The following MRTFB variants were observed in gnomAD, a reference collection of about 807,000 sequenced individuals.
The protein encoded by MRTFB is myocardin-related transcription factor B.
MRTFB carries 29 observed loss-of-function variants against 104.2 expected under a neutral mutation model. The ratio of observed to expected loss-of-function variants is 0.28; its 90% confidence interval spans 0.21 to 0.38. The LOEUF is 0.38. Among genes scored for constraint, MRTFB ranks in the 10% least tolerant of loss-of-function variants. MRTFB has a pLI of 1.00. For synonymous variants in MRTFB, 535 were observed against 519.5 expected (o/e 1.03, Z -0.41); for missense variants, 1,270 against 1,341.6 (o/e 0.95, Z 0.83).
chr16:14,253,862 A>C (rs1380738164), intron 15 of MRTFB, among the ~76,000 whole-genome samples: 1 of 152,240 alleles, frequency 6.6e-6, no homozygotes, highest in Non-Finnish European at 1.5e-5. Flanking sequence ...GACGGGTTCA[A>C]ATATTTGCAA....
chr16:14,041,154 G>T, the MRTFB span, among the ~76,000 whole-genome samples: 1 of 152,118 alleles, frequency 6.6e-6, no homozygotes, highest in African/African-American at 2.4e-5. Context: ...AGGAGTGGGG[G>T]GCGGGGAGAG....
chr16:14,234,185 ACTC>A lies in MRTFB; in HGVS notation c.738_740del (p.Pro247del), dbSNP rs763260394. ...CCCAACAGTTCCTGAATTCTTGAAAACTCCTCCAACTGCAGATCAGCCTCCCCC... is the reference window on the plus strand; with the variant it reads ...CCCAACAGTTCCTGAATTCTTGAAAACTCCAACTGCAGATCAGCCTCCCCC... On this transcript the variant is annotated inframe_deletion, in exon 9 of 17. Transcript: ENST00000571589. 1.9e-6 allele frequency: 3 copies of A among 1,610,014 alleles called. No individual in the cohort carries two copies. Among genetic ancestry groups the A allele is most frequent in the African/African-American group, 1.4e-5 (1 of 74,014 alleles).
At chr16:14,000,700 GAC>G in the MRTFB span, among the ~76,000 whole-genome samples, 2 of 152,168 alleles carry the variant, frequency 1.3e-5, no homozygotes, top group African/African-American at 4.8e-5. Flanking sequence ...CATCACCTGG[GAC>G]ACAAGTATCA....
In MRTFB at chr16:14,074,706, A is replaced by G. The variant is rs571409689; in HGVS notation, c.-129+3341A>G. On this transcript the variant is annotated intron_variant, in intron 1 of 16. Coordinates refer to ENST00000571589, the MANE Select transcript of MRTFB (RefSeq NM_001308142.2). ...CTACATGAATAGGGAATATGAAACA[A>G]TGATTAATGATTAACACCAAAAACT... Among the ~76,000 whole-genome samples the G allele has an allele frequency of 2.6e-5, 4 of 152,334 alleles. No homozygotes were observed. In the East Asian group the frequency reaches 5.8e-4, roughly 22 times the overall value.
chr16:14,143,587 C>G (rs746514462), intron 3 of MRTFB: 1 of 149,902 alleles, frequency 6.7e-6, no homozygotes, highest in Non-Finnish European at 1.5e-5. Context: ...TGTATACATG[C>G]GCCATGTTGG....
At chr16:14,044,867 C>A in the MRTFB span, among the ~76,000 whole-genome samples, 1 of 152,098 alleles carries the variant, frequency 6.6e-6, no homozygotes, top group Non-Finnish European at 1.5e-5. Flanking sequence ...CAATATGGTC[C>A]CTTGCCCCAA....
the MRTFB span, among the ~76,000 whole-genome samples, chr16:14,041,433 A>G: frequency 6.6e-6 from 1 of 152,192 alleles, no homozygotes; most frequent in Non-Finnish European, 1.5e-5. Flanking sequence ...GGAATCATAC[A>G]GTATTTGTCT....
At chr16:14,144,981 C>CATATATATATATATGT (rs1359636618) in intron 3 of MRTFB, among the ~76,000 whole-genome samples, 2 of 104,374 alleles carry the variant, frequency 1.9e-5, no homozygotes, top group African/African-American at 7.0e-5. Context: ...TATATACATA[C>CATATATATATATATGT]ATATATATAT....
chr16:14,211,623 G>A (rs1489612834), intron 4 of MRTFB, among the ~76,000 whole-genome samples: 1 of 152,178 alleles, frequency 6.6e-6, no homozygotes, highest in East Asian at 1.9e-4. Flanking sequence ...GGTTGTAGGT[G>A]ACGATTTGGT....
chr16:14,172,983 G>T, intron 3 of MRTFB, among the ~76,000 whole-genome samples: 1 of 151,936 alleles, frequency 6.6e-6, no homozygotes, highest in South Asian at 2.1e-4. Flanking sequence ...CTAGATTTTG[G>T]GTCACAGTGT....
chr16:14,200,563 CTTG>C (rs2040649954), intron 3 of MRTFB: 2 of 1,604,890 alleles, frequency 1.2e-6, no homozygotes, highest in Non-Finnish European at 1.7e-6. Flanking sequence ...TAACAATTAT[CTTG>C]TTGTCATGTG....
rs752441901 is a variant in MRTFB, at chr16:14,245,599, A to C, written c.1151A>C (p.Gln384Pro). ...LNNATPNTPR[Q>P]NTSTPVRKPG... ...AATGCCACACCTAACACACCAAGAC[A>C]GAATACATCTACTCCTGTGAGAAAG... Residue 384 changes from glutamine (Q) to proline (P), a missense_variant, in exon 11 of 17, where the codon CAG (glutamine) becomes CCG (proline). Physicochemically the swap from Gln to Pro is moderately conservative, Grantham distance 76 (BLOSUM62 -1). Transcript: ENST00000571589. The C allele has an allele frequency of 6.2e-7, 1 of 1,614,032 alleles. No individual in the cohort carries two copies. Among genetic ancestry groups the C allele is most frequent in the African/African-American group, 1.3e-5 (1 of 74,928 alleles).
chr16:14,118,210 C>T (rs573382855), intron 2 of MRTFB, among the ~76,000 whole-genome samples: 10 of 150,080 alleles, frequency 6.7e-5, no homozygotes, highest in African/African-American at 2.5e-4. Flanking sequence ...GATCTCGACT[C>T]ACTGCCCCCT....
intron 3 of MRTFB, among the ~76,000 whole-genome samples, chr16:14,147,814 C>A (rs2038396053): frequency 6.6e-6 from 1 of 152,124 alleles, no homozygotes; most frequent in Admixed American, 6.5e-5. Flanking sequence ...TAAATTGTGT[C>A]CTCTTGTTGA....
At chr16:14,017,695 A>G in the MRTFB span, among the ~76,000 whole-genome samples, 862 of 17,184 alleles carry the variant, frequency 0.05, 82 homozygotes, top group Non-Finnish European at 0.13. Flanking sequence ...GTGTATATAT[A>G]TATATATATA....
intron 3 of MRTFB, among the ~76,000 whole-genome samples, chr16:14,167,762 G>A (rs535177049): frequency 4.8e-4 from 73 of 152,120 alleles, no homozygotes; most frequent in Non-Finnish European, 8.7e-4. Flanking sequence ...CGCGATCTTG[G>A]CTCACTGCAA....
intron 3 of MRTFB, among the ~76,000 whole-genome samples, chr16:14,158,642 A>G (rs2038917199): frequency 6.6e-6 from 1 of 152,226 alleles, no homozygotes; most frequent in Non-Finnish European, 1.5e-5. Context: ...TTATGTAATG[A>G]ATATGGCTAT....
At chr16:14,258,927 T>A (rs1327485153) in intron 16 of MRTFB, among the ~76,000 whole-genome samples, 1 of 152,168 alleles carries the variant, frequency 6.6e-6, no homozygotes, top group Admixed American at 6.5e-5. Context: ...TAAAAAAAAA[T>A]TCCTGGATAG....
chr16:14,133,934 A>G (rs1163651463), intron 2 of MRTFB, among the ~76,000 whole-genome samples: 1 of 152,246 alleles, frequency 6.6e-6, no homozygotes, highest in Non-Finnish European at 1.5e-5. Flanking sequence ...GAGAACAAAT[A>G]ACATTTTCTA....
Sources: allele counts gnomAD v4.1 joint callset (sites outside exome capture counted in the v4.1 genomes callset), GRCh38; gene constraint gnomAD v4.1.1; transcripts MANE v1.5; gene names NCBI Gene and HGNC (gene_info 2026-07-23, HGNC 2026-07-21).